The following SULT1C3 variants were observed in gnomAD, a reference collection of about 807,000 sequenced individuals.
SULT1C3 encodes the protein sulfotransferase family 1C member 3.
SULT1C3 carries 31 observed loss-of-function variants against 28.4 expected under a neutral mutation model. The ratio of observed to expected loss-of-function variants is 1.09; its 90% CI spans 0.82 to 1.47. The LOEUF (loss-of-function observed/expected upper bound fraction) is 1.47, where lower values mean the gene tolerates loss of function less well. Among genes scored for constraint, SULT1C3 ranks in the 40% most tolerant of loss-of-function variants. SULT1C3 has a pLI of 0.00. For synonymous variants in SULT1C3, 106 were observed against 92.2 expected (o/e 1.15, Z -0.86); for missense variants, 307 against 272.5 (o/e 1.13, Z -0.89).
chr2:108,255,246 C>T (rs1675839173), intron 4 of SULT1C3, among the ~76,000 whole-genome samples: 1 of 151,954 alleles, frequency 6.6e-6, no homozygotes, highest in Non-Finnish European at 1.5e-5. Context: ...TTGTCACTGG[C>T]TCCATGATTA....
At chr2:108,245,709 G>A (rs971595651) in intron 1 of SULT1C3, among the ~76,000 whole-genome samples, 12 of 152,128 alleles carry the variant, frequency 7.9e-5, no homozygotes, top group Admixed American at 4.6e-4. Flanking sequence ...TGATAGGAGA[G>A]GCTGCCATGA....
intron 5 of SULT1C3, among the ~76,000 whole-genome samples, chr2:108,257,548 C>G (rs1233112478): frequency 2.6e-5 from 4 of 151,952 alleles, no homozygotes; most frequent in Admixed American, 6.6e-5. Context: ...TAGTCACCCA[C>G]AATCAACCCC....
intron 4 of SULT1C3, among the ~76,000 whole-genome samples, chr2:108,254,757 G>A (rs1427083867): frequency 6.7e-6 from 1 of 148,422 alleles, no homozygotes; most frequent in Admixed American, 6.7e-5. Flanking sequence ...ACATATGTAT[G>A]TATATATGTA....
chr2:108,247,486 T>C, intron 2 of SULT1C3, 120 bp downstream of exon 2: 1 of 959,092 alleles, frequency 1.0e-6, no homozygotes, highest in Non-Finnish European at 1.4e-6. Flanking sequence ...TATGGAGATC[T>C]GTTCTTTGGT....
chr2:108,257,035 T>G (rs529782932), intron 5 of SULT1C3, among the ~76,000 whole-genome samples: 2 of 152,216 alleles, frequency 1.3e-5, no homozygotes, highest in Non-Finnish European at 2.9e-5. Flanking sequence ...ACTGTTTTTT[T>G]GTGTCAACTT....
At chr2:108,257,547 A>G (rs1277744356) in intron 5 of SULT1C3, among the ~76,000 whole-genome samples, 1 of 152,008 alleles carries the variant, frequency 6.6e-6, no homozygotes, top group African/African-American at 2.4e-5. Context: ...TTAGTCACCC[A>G]CAATCAACCC....
downstream of SULT1C3, chr2:108,264,821 A>G (rs756873999): frequency 2.5e-6 from 4 of 1,604,300 alleles, no homozygotes; most frequent in African/African-American, 5.4e-5. Flanking sequence ...TGTTCCACAT[A>G]CAGGACCCAA....
Position 108,240,066 on chromosome 2 carries a change from T to C in SULT1C3, c.-25T>C, listed in dbSNP as rs1434051123. On this transcript the variant is annotated 5_prime_UTR_variant, in exon 1 of 8. Coordinates refer to ENST00000681802, the MANE Select transcript of SULT1C3 (RefSeq NM_001320878.2). ...ACTAAAGGCAGCAAGCTGCTTCCTC[T>C]GCTGCCTGAGATACCAGGTAAGCCT... Among the ~76,000 whole-genome samples, 1 of 152,220 alleles carries C rather than the reference T, an allele frequency of 6.6e-6. No homozygotes were observed. The highest frequency in any genetic ancestry group is 1.5e-5 in the Non-Finnish European group (1 of 68,032).
intron 1 of SULT1C3, 22 bp from the exon 2 acceptor site, chr2:108,247,166 G>T (rs775324655): frequency 2.0e-6 from 3 of 1,465,152 alleles, no homozygotes; most frequent in Non-Finnish European, 2.7e-6. Flanking sequence ...ATTTTAATTA[G>T]TATTGATCTT....
At chr2:108,247,850 A>C (rs560370785) in intron 2 of SULT1C3, among the ~76,000 whole-genome samples, 1 of 152,144 alleles carries the variant, frequency 6.6e-6, no homozygotes, top group Non-Finnish European at 1.5e-5. Flanking sequence ...CCAATGACTG[A>C]CCTTGATTTA....
chr2:108,255,560 C>T lies in SULT1C3; in HGVS notation c.400-12C>T, dbSNP rs1336392730. 6.2e-7 allele frequency: 1 copy of T among 1,608,752 alleles called. No individual in the cohort carries two copies. Reference sequence around the variant, plus strand: ...TTCTCTCCATGGCTTCCTTCCCTCTCCTTGATTTCAGATTGTCTATGTGGC... The same window carrying T: ...TTCTCTCCATGGCTTCCTTCCCTCTTCTTGATTTCAGATTGTCTATGTGGC... On this transcript the variant is annotated splice_polypyrimidine_tract_variant and intron_variant, in intron 4 of 7. Transcript: ENST00000681802.
At chr2:108,245,588 C>G (rs1202276822) in intron 1 of SULT1C3, among the ~76,000 whole-genome samples, 1 of 152,110 alleles carries the variant, frequency 6.6e-6, no homozygotes, top group Non-Finnish European at 1.5e-5. Flanking sequence ...AGCAGGGTAA[C>G]ACGGTTGTAG....
At chr2:108,246,594 G>C (rs1436498309) in intron 1 of SULT1C3, among the ~76,000 whole-genome samples, 1 of 151,998 alleles carries the variant, frequency 6.6e-6, no homozygotes, top group African/African-American at 2.4e-5. Context: ...GGGTACAAGA[G>C]AGTTTTTTCT....
At chr2:108,255,485 G>T in intron 4 of SULT1C3, 87 bp from the exon 5 acceptor site, 2 of 1,450,596 alleles carry the variant, frequency 1.4e-6, no homozygotes, top group Non-Finnish European at 1.9e-6. Context: ...ATAGGATATG[G>T]TTACCATTGT....
intron 1 of SULT1C3, among the ~76,000 whole-genome samples, chr2:108,246,355 A>C (rs1055957561): frequency 1.1e-4 from 17 of 152,222 alleles, no homozygotes; most frequent in Non-Finnish European, 4.4e-5. Flanking sequence ...GACATACCTG[A>C]GACTGGGCAA....
chr2:108,246,179 C>T (rs528766355), intron 1 of SULT1C3, among the ~76,000 whole-genome samples: 21 of 152,308 alleles, frequency 1.4e-4, no homozygotes, highest in Non-Finnish European at 2.8e-4. Context: ...TTCAACAAGT[C>T]TCTAGAAAGT....
chr2:108,259,972 C>A (rs1201012194), intron 7 of SULT1C3, among the ~76,000 whole-genome samples: 1 of 152,080 alleles, frequency 6.6e-6, no homozygotes, highest in Admixed American at 6.6e-5. Context: ...TATGGGCAAG[C>A]ATTTCAGATT....
downstream of SULT1C3, among the ~76,000 whole-genome samples, chr2:108,261,097 A>T (rs543558038): frequency 3.3e-5 from 5 of 152,318 alleles, no homozygotes; most frequent in African/African-American, 1.2e-4. Context: ...CTATACTTTT[A>T]TGTATAAATA....
chr2:108,258,896 CTG>C (rs1282100472), intron 6 of SULT1C3, 68 bp downstream of exon 6: 3 of 1,311,930 alleles, frequency 2.3e-6, no homozygotes, highest in Non-Finnish European at 3.2e-6. Flanking sequence ...TGTTAAAAAG[CTG>C]TGTCTTTAAT....
Sources: allele counts gnomAD v4.1 joint callset (sites outside exome capture counted in the v4.1 genomes callset), GRCh38; gene constraint gnomAD v4.1.1; transcripts MANE v1.5; gene names NCBI Gene and HGNC (gene_info 2026-07-23, HGNC 2026-07-21).